Variants in RNF19A observed in about 807,000 individuals in gnomAD.
The protein encoded by RNF19A is ring finger protein 19A, RBR E3 ubiquitin protein ligase.
Under a neutral mutation model 75.7 loss-of-function variants are expected in RNF19A, and 32 were observed. That is an observed-to-expected ratio of 0.42 (90% confidence interval 0.32 to 0.57). RNF19A has a LOEUF of 0.57. RNF19A is among the 20% of genes least tolerant of loss of function. The probability of loss-of-function intolerance (pLI) is 0.10; values close to 1 mark genes in which losing one functional copy is unlikely to be tolerated. For synonymous variants in RNF19A, 335 were observed against 345.2 expected, an observed-to-expected ratio of 0.97 and a Z score of 0.33; for missense variants, 782 against 1,036.3, an observed-to-expected ratio of 0.75 and a Z score of 3.37.
At chr8:100,310,092 C>A (rs928545201), upstream of RNF19A, 2 of 985,462 alleles carry the variant, frequency 2.0e-6, no homozygotes, top group African/African-American at 3.5e-5. Flanking sequence ...ACCAGCGCCG[C>A]AACTACCACC....
intron 1 of RNF19A, chr8:100,309,248 T>C: frequency 1.1e-6 from 1 of 884,922 alleles, no homozygotes; most frequent in Non-Finnish European, 1.4e-6. Flanking sequence ...CATTTTGGTG[T>C]GATGTGTAAT....
chr8:100,310,264 C>G (rs1822253459), upstream of RNF19A: 1 of 984,098 alleles, frequency 1.0e-6, no homozygotes, highest in East Asian at 1.1e-4. Context: ...CCCTTGCGCA[C>G]GTTCGTTCCG....
intron 1 of RNF19A, among the ~76,000 whole-genome samples, chr8:100,296,982 AC>A (rs1013783152): frequency 6.6e-6 from 1 of 152,240 alleles, no homozygotes; most frequent in African/African-American, 2.4e-5. Flanking sequence ...TGTATTGAAA[AC>A]AAAAATCATA....
chr8:100,301,920 C>G (rs572416672), intron 1 of RNF19A, among the ~76,000 whole-genome samples: 8 of 152,188 alleles, frequency 5.3e-5, no homozygotes, highest in African/African-American at 1.9e-4. Flanking sequence ...GAGGTGTTAG[C>G]TATGTGGAAA....
At chr8:100,289,273 T>C (rs773148828) in intron 1 of RNF19A, among the ~76,000 whole-genome samples, 3 of 152,072 alleles carry the variant, frequency 2.0e-5, no homozygotes, top group Admixed American at 6.5e-5. Context: ...ATAAAGCTTC[T>C]AGGAGACAAA....
At chr8:100,299,288 G>A (rs1821713516) in intron 1 of RNF19A, among the ~76,000 whole-genome samples, 1 of 152,112 alleles carries the variant, frequency 6.6e-6, no homozygotes, top group Non-Finnish European at 1.5e-5. Context: ...GAATACTCTA[G>A]GTTAAGTAGA....
upstream of RNF19A, among the ~76,000 whole-genome samples, chr8:100,311,942 T>C (rs1822305774): frequency 6.6e-6 from 1 of 152,118 alleles, no homozygotes; most frequent in Non-Finnish European, 1.5e-5. Context: ...CTAGGCCAAA[T>C]AAATCTATTA....
At chr8:100,292,859 G>A (rs906439138) in intron 1 of RNF19A, among the ~76,000 whole-genome samples, 1 of 151,920 alleles carries the variant, frequency 6.6e-6, no homozygotes, top group Admixed American at 6.6e-5. Flanking sequence ...TTCTTTTGGA[G>A]GATGAAACCT....
In RNF19A at chr8:100,257,795, G is replaced by A. The variant is rs1320853677; in HGVS notation, c.*761C>T. On this transcript the variant is annotated 3_prime_UTR_variant, in exon 10 of 10. Transcript: ENST00000341084. Reference sequence around the variant, plus strand: ...GGGTACAAACTTCCCCTTAGAGAAAGGTGGATTTTTTGTAATACTTATAAC... The same window carrying A: ...GGGTACAAACTTCCCCTTAGAGAAAAGTGGATTTTTTGTAATACTTATAAC... 4 of 380,608 alleles carry A rather than the reference G, an allele frequency of 1.1e-5. No homozygotes were observed. The allele number at this position is 380,608 out of a possible 1,614,324, so 23.6% of individuals were successfully genotyped here. A position where few individuals can be genotyped will look rare whatever the true frequency, so the allele number is the denominator to read the frequency against.
Position 100,264,577 on chromosome 8 carries a change from G to T in RNF19A, c.1306+94C>A. On this transcript the variant is annotated intron_variant, in intron 6 of 9. Transcript: ENST00000341084. This position sits in a 1 kb window ranked among gnomAD's most constrained non-coding sequence, Gnocchi z 4.7. ...ACTTACTGCAGGCTCAATTTAAATT[G>T]TCCTCAAATTAAAAAACAATTAAAA... is the stretch of plus-strand genomic sequence containing the variant. The T allele has an allele frequency of 1.2e-6, 1 of 810,180 alleles. No individual in the cohort carries two copies. The highest frequency in any genetic ancestry group is 2.0e-6 in the Non-Finnish European group (1 of 492,494). The allele number at this position is 810,180 out of a possible 1,614,324, so 50.2% of individuals were successfully genotyped here.
In RNF19A at chr8:100,269,572, TTATG is replaced by T. The variant is rs1820155381; in HGVS notation, c.1028+293_1028+296del. 6.6e-6 allele frequency among the ~76,000 whole-genome samples: 1 copy of T among 152,122 alleles called. No homozygotes were observed. Among genetic ancestry groups the T allele is most frequent in the Non-Finnish European group, 1.5e-5 (1 of 67,994 alleles). On this transcript the variant is annotated intron_variant, in intron 4 of 9. Transcript: ENST00000341084. The surrounding 1 kb of genome is among the most constrained non-coding windows in gnomAD (Gnocchi z 5.7). Reference sequence around the variant, plus strand: ...TCACTCTGTGCCTAAATGATAAAATTTATGTATGGGAAAATTAAATGAAAGTATT... The same window carrying T: ...TCACTCTGTGCCTAAATGATAAAATTTATGGGAAAATTAAATGAAAGTATT...
At chr8:100,293,853 C>CT (rs1821421184) in intron 1 of RNF19A, among the ~76,000 whole-genome samples, 1 of 152,134 alleles carries the variant, frequency 6.6e-6, no homozygotes, top group African/African-American at 2.4e-5. Context: ...ATTTAATCAA[C>CT]TTTTTCTTCT....
intron 1 of RNF19A, among the ~76,000 whole-genome samples, chr8:100,320,001 A>C (rs1293424968): frequency 6.8e-6 from 1 of 147,976 alleles, no homozygotes; most frequent in Admixed American, 6.8e-5. Context: ...ATGCCTGGCT[A>C]ATTTTTGTAT....
At chr8:100,313,432 C>T (rs955328436), upstream of RNF19A, 7 of 348,818 alleles carry the variant, frequency 2.0e-5, no homozygotes, top group Non-Finnish European at 2.8e-5. Context: ...GAACAGCAGA[C>T]GCAAAGGTCT....
At chr8:100,327,530 C>T (rs973256384) in intron 1 of RNF19A, among the ~76,000 whole-genome samples, 2 of 152,128 alleles carry the variant, frequency 1.3e-5, no homozygotes, top group African/African-American at 4.8e-5. Context: ...GGATTACAGG[C>T]GTGAGCCACT....
chr8:100,293,089 T>A (rs765962083), intron 1 of RNF19A, among the ~76,000 whole-genome samples: 5 of 152,224 alleles, frequency 3.3e-5, no homozygotes, highest in Admixed American at 6.5e-5. Context: ...GAAATCATTG[T>A]TGCCACTGAT....
At chr8:100,320,354 T>C (rs1822448374) in intron 1 of RNF19A, among the ~76,000 whole-genome samples, 1 of 152,234 alleles carries the variant, frequency 6.6e-6, no homozygotes, top group Admixed American at 6.5e-5. Context: ...GAAATTTAGT[T>C]TATTCATTTT....
At chr8:100,312,678 C>T (rs1224940197), upstream of RNF19A, among the ~76,000 whole-genome samples, 3 of 152,156 alleles carry the variant, frequency 2.0e-5, no homozygotes, top group Admixed American at 6.5e-5. Context: ...AATCCCGGCA[C>T]TTTGGGAGGC....
rs963456392 is a variant in RNF19A, at chr8:100,333,125, G to A, written c.-243+2983C>T. On this transcript the variant is annotated intron_variant, in intron 1 of 3. Coordinates refer to the RNF19A transcript ENST00000519527. The surrounding 1 kb of genome is among the most constrained non-coding windows in gnomAD (Gnocchi z 4.7). ...TAGGTTCTGCCTTCATAAATGGGGT[G>A]GGTTAACATGGGAGTGGGTTTGTCA... 6.6e-6 allele frequency among the ~76,000 whole-genome samples: 1 copy of A among 152,054 alleles called. No individual in the cohort carries two copies. Among genetic ancestry groups the A allele is most frequent in the Non-Finnish European group, 1.5e-5 (1 of 68,006 alleles).
Sources: allele counts gnomAD v4.1 joint callset (sites outside exome capture counted in the v4.1 genomes callset), GRCh38; gene constraint gnomAD v4.1.1; non-coding constraint Gnocchi (gnomAD v3.1); transcripts MANE v1.5; gene names NCBI Gene and HGNC (gene_info 2026-07-23, HGNC 2026-07-21).